Variants in NTRK2 observed in about 807,000 individuals in gnomAD.
The protein encoded by NTRK2 is BDNF/NT-3 growth factors receptor.
Under a neutral mutation model 94.5 loss-of-function variants are expected in NTRK2, and 13 were observed. The ratio of observed to expected loss-of-function variants is 0.14; its 90% CI spans 0.09 to 0.22. NTRK2 has a LOEUF of 0.22. Among genes scored for constraint, NTRK2 ranks in the 10% least tolerant of loss-of-function variants. The pLI, the probability that NTRK2 is intolerant of heterozygous loss-of-function variation, is 1.00. For missense variants in NTRK2, 639 were observed against 1,071.2 expected (o/e 0.60, Z 5.63); for synonymous variants, 372 against 407.4 (o/e 0.91, Z 1.05).
At chr9:84,941,751 A>G (rs1302933423) in intron 15 of NTRK2, among the ~76,000 whole-genome samples, 1 of 152,220 alleles carries the variant, frequency 6.6e-6, no homozygotes, top group African/African-American at 2.4e-5. Context: ...CTCTCTTTTG[A>G]TTCAATATTT....
chr9:84,887,377 C>T (rs909770845), intron 14 of NTRK2, among the ~76,000 whole-genome samples: 2 of 152,144 alleles, frequency 1.3e-5, no homozygotes, highest in African/African-American at 4.8e-5. Flanking sequence ...AGCTTTTGTC[C>T]TTCCCTGTGG....
chr9:84,877,156 T>A, intron 14 of NTRK2: 1 of 1,064,862 alleles, frequency 9.4e-7, no homozygotes, highest in Non-Finnish European at 1.1e-6. Flanking sequence ...ACATATTACA[T>A]CCTGAGTTTT....
intron 9 of NTRK2, among the ~76,000 whole-genome samples, chr9:84,730,767 A>AAC: frequency 9.2e-6 from 1 of 108,562 alleles, no homozygotes; most frequent in Non-Finnish European, 1.9e-5. Context: ...AAAACTAAAG[A>AAC]AAAATAAACA....
At chr9:84,910,522 C>T (rs1157645654) in intron 14 of NTRK2, among the ~76,000 whole-genome samples, 1 of 152,154 alleles carries the variant, frequency 6.6e-6, no homozygotes, top group African/African-American at 2.4e-5. Context: ...AAGGCCTACT[C>T]TAATCCAGAG....
chr9:84,782,873 C>T (rs1357148950), intron 12 of NTRK2, among the ~76,000 whole-genome samples: 1 of 152,158 alleles, frequency 6.6e-6, no homozygotes, highest in African/African-American at 2.4e-5. Flanking sequence ...CAGTACCTTT[C>T]ATCAAGTCAC....
intron 14 of NTRK2, among the ~76,000 whole-genome samples, chr9:84,932,161 A>C (rs1296860923): frequency 6.6e-6 from 1 of 152,222 alleles, no homozygotes; most frequent in Non-Finnish European, 1.5e-5. Flanking sequence ...AAAAGAAACC[A>C]AGCAGGCTGT....
chr9:84,745,638 G>A (rs1023165288), intron 11 of NTRK2, among the ~76,000 whole-genome samples: 3 of 152,170 alleles, frequency 2.0e-5, no homozygotes, highest in African/African-American at 7.2e-5. Context: ...ACTCTGAGGA[G>A]CCTTTGTGGG....
intron 14 of NTRK2, chr9:84,872,405 A>G: frequency 9.3e-7 from 1 of 1,080,874 alleles, no homozygotes; most frequent in Non-Finnish European, 1.1e-6. Context: ...CGGAGCAAAC[A>G]CTATAGATGT....
chr9:84,871,537 C>A (rs1335846762), intron 14 of NTRK2, among the ~76,000 whole-genome samples: 3 of 152,168 alleles, frequency 2.0e-5, no homozygotes, highest in African/African-American at 7.2e-5. Flanking sequence ...TCAATACTTG[C>A]ATAGTTTGGC....
intron 14 of NTRK2, among the ~76,000 whole-genome samples, chr9:84,927,642 A>T (rs2077871139): frequency 6.6e-6 from 1 of 152,128 alleles, no homozygotes; most frequent in African/African-American, 2.4e-5. Flanking sequence ...TGTAGTGGAA[A>T]GAATTCAAAC....
intron 9 of NTRK2, among the ~76,000 whole-genome samples, chr9:84,734,820 G>T (rs1025156166): frequency 6.6e-6 from 1 of 152,118 alleles, no homozygotes; most frequent in Non-Finnish European, 1.5e-5. Flanking sequence ...CCAGTCCTGC[G>T]TATGTCTTTA....
chr9:84,980,685 A>G (rs548540463), intron 17 of NTRK2, among the ~76,000 whole-genome samples: 2 of 152,250 alleles, frequency 1.3e-5, no homozygotes, highest in Non-Finnish European at 2.9e-5. Flanking sequence ...GCAGGAAGTC[A>G]ACAGCCAAAG....
chr9:84,791,443 T>C (rs1453944992), intron 12 of NTRK2, among the ~76,000 whole-genome samples: 1 of 152,154 alleles, frequency 6.6e-6, no homozygotes, highest in Non-Finnish European at 1.5e-5. Context: ...CCATGCAGCC[T>C]CAGAAGCTAA....
chr9:84,812,779 A>G (rs2071952145), intron 12 of NTRK2: 1 of 1,039,620 alleles, frequency 9.6e-7, no homozygotes, highest in Non-Finnish European at 1.2e-6. Flanking sequence ...ATAAAAAAAA[A>G]GGAATATTTG....
intron 12 of NTRK2, among the ~76,000 whole-genome samples, chr9:84,777,986 G>T (rs2067217198): frequency 1.3e-5 from 2 of 152,154 alleles, no homozygotes; most frequent in Non-Finnish European, 2.9e-5. Flanking sequence ...TTCCTGTCTG[G>T]TGCAGTGGCT....
chr9:84,977,841 T>C (rs1280989942), intron 17 of NTRK2, among the ~76,000 whole-genome samples: 2 of 152,244 alleles, frequency 1.3e-5, no homozygotes, highest in African/African-American at 4.8e-5. Flanking sequence ...TGTCTCTGTG[T>C]CACATTTTGG....
intron 12 of NTRK2, among the ~76,000 whole-genome samples, chr9:84,769,163 T>C (rs538929154): frequency 1.2e-4 from 19 of 152,306 alleles, no homozygotes; most frequent in Admixed American, 1.2e-3. Flanking sequence ...GTTGACGTAA[T>C]TGCCTTAAAT....
intron 2 of NTRK2, among the ~76,000 whole-genome samples, chr9:84,699,663 G>GTT (rs34384973): frequency 1.7e-4 from 24 of 140,152 alleles, no homozygotes; most frequent in South Asian, 2.3e-4. Flanking sequence ...TTATGTGTGT[G>GTT]TTTTTTTTTT....
rs200506594 is a variant in NTRK2, at chr9:85,020,182, C to T, written c.2173-24C>T. 55 of 1,613,790 alleles carry T rather than the reference C, an allele frequency of 3.4e-5. No individual in the cohort carries two copies. In the African/African-American group the frequency reaches 6.5e-4, roughly 19 times the overall value. ...CCTGGTTTCGGGGTGACTGATGCCT[C>T]CCTGTTGATCCCTTTCTCCCCAGGT... On this transcript the variant is annotated intron_variant, in intron 17 of 18. Coordinates refer to ENST00000277120, the MANE Select transcript of NTRK2 (RefSeq NM_006180.6).
Sources: allele counts gnomAD v4.1 joint callset (sites outside exome capture counted in the v4.1 genomes callset), GRCh38; gene constraint gnomAD v4.1.1; transcripts MANE v1.5; gene names NCBI Gene and HGNC (gene_info 2026-07-23, HGNC 2026-07-21).